Variants in PAX5 observed in about 807,000 individuals in gnomAD.
The protein encoded by PAX5 is paired box protein Pax-5.
Under a neutral mutation model 43.7 loss-of-function variants are expected in PAX5, and 9 were observed. The ratio of observed to expected loss-of-function variants is 0.21; its 90% CI spans 0.12 to 0.36. PAX5 has a LOEUF of 0.36. PAX5 is among the 10% of genes least tolerant of loss of function. The pLI is 1.00. For synonymous variants in PAX5, 228 were observed against 214.3 expected (o/e 1.06, Z -0.56); for missense variants, 383 against 532.7 (o/e 0.72, Z 2.77).
At position 36,833,737 on chromosome 9, in the gene PAX5, A is replaced by T; in HGVS notation, c.*6823T>A. 1 of 233,152 alleles carries T rather than the reference A, an allele frequency of 4.3e-6. No individual in the cohort carries two copies. Among genetic ancestry groups the T allele is most frequent in the Non-Finnish European group, 8.5e-6 (1 of 117,992 alleles). 14.4% of individuals were successfully genotyped at this position (233,152 alleles called of 1,614,324 possible). On this transcript the variant is annotated 3_prime_UTR_variant, in exon 10 of 10. Coordinates refer to ENST00000358127, the MANE Select transcript of PAX5 (RefSeq NM_016734.3). ...TTTCAAGTCAGTTATTTTCTACTAGAAAAAAAGAATACAAAACATACACAT... is the reference window on the plus strand; with the variant it reads ...TTTCAAGTCAGTTATTTTCTACTAGTAAAAAAGAATACAAAACATACACAT...
chr9:36,943,644 A>G (rs1832252600), intron 6 of PAX5, among the ~76,000 whole-genome samples: 1 of 152,038 alleles, frequency 6.6e-6, no homozygotes, highest in African/African-American at 2.4e-5. Flanking sequence ...GGGTAAATTA[A>G]TGTTGCAAGA....
At chr9:36,847,655 G>T (rs909881395) in intron 8 of PAX5, among the ~76,000 whole-genome samples, 1 of 152,206 alleles carries the variant, frequency 6.6e-6, no homozygotes, top group African/African-American at 2.4e-5. Context: ...GGCGTGCTTG[G>T]GCAGGAGCTG....
intron 4 of PAX5, 49 bp from the exon 5 acceptor site, chr9:37,002,825 C>A (rs1268866442): frequency 6.4e-7 from 1 of 1,556,812 alleles, no homozygotes; most frequent in Admixed American, 1.9e-5. Context: ...CTGAGGGCGG[C>A]GGACCGGCTG....
At chr9:37,002,387 C>T (rs1837955629) in intron 5 of PAX5, among the ~76,000 whole-genome samples, 2 of 152,238 alleles carry the variant, frequency 1.3e-5, no homozygotes, top group Non-Finnish European at 2.9e-5. Context: ...AAGGGCTCTG[C>T]CAGGCCCGCT....
rs143629802 is a variant in PAX5 at position 36,875,762 on chromosome 9, G to A, written c.1012+6242C>T. ...CCGGATAAAGACTCAGCCCAACATC[G>A]CCAGTTTCGACAAGGAAGGAAGGGG... is the stretch of plus-strand genomic sequence containing the variant. On this transcript the variant is annotated intron_variant, in intron 8 of 9. Transcript: ENST00000358127. 2.9e-3 allele frequency among the ~76,000 whole-genome samples: 440 copies of A among 152,244 alleles called. 1 individual carries two copies. The highest frequency in any genetic ancestry group is 4.4e-3 in the Non-Finnish European group (301 of 68,010).
intron 7 of PAX5, among the ~76,000 whole-genome samples, chr9:36,885,349 T>C (rs930467403): frequency 2.0e-5 from 3 of 152,160 alleles, no homozygotes; most frequent in African/African-American, 4.8e-5. Flanking sequence ...GCTCACACCC[T>C]TGATTTGCCA....
chr9:36,853,211 C>T (rs1469329731), intron 8 of PAX5, among the ~76,000 whole-genome samples: 1 of 147,466 alleles, frequency 6.8e-6, no homozygotes, highest in East Asian at 2.1e-4. Context: ...AACTGAAGTT[C>T]ATTACTTGTT....
chr9:36,968,268 C>T (rs1362947402), intron 5 of PAX5, among the ~76,000 whole-genome samples: 1 of 152,198 alleles, frequency 6.6e-6, no homozygotes, highest in Non-Finnish European at 1.5e-5. Context: ...AGACTTCATC[C>T]GTCACGTCAA....
chr9:36,917,296 T>A (rs1212261405), intron 7 of PAX5, among the ~76,000 whole-genome samples: 1 of 152,132 alleles, frequency 6.6e-6, no homozygotes, highest in Non-Finnish European at 1.5e-5. Context: ...ATCTTCTAGA[T>A]CAGTTCAACT....
chr9:36,920,014 C>T (rs896791917), intron 7 of PAX5, among the ~76,000 whole-genome samples: 4 of 151,928 alleles, frequency 2.6e-5, no homozygotes, highest in South Asian at 2.1e-4. Context: ...GTGGAAATAG[C>T]GAGAGAACAA....
chr9:37,027,986 T>A (rs1840606298), intron 1 of PAX5, among the ~76,000 whole-genome samples: 1 of 152,192 alleles, frequency 6.6e-6, no homozygotes, highest in Non-Finnish European at 1.5e-5. Flanking sequence ...GCCCACGCAG[T>A]GCCTGGAGAG....
intron 6 of PAX5, among the ~76,000 whole-genome samples, chr9:36,924,498 T>A (rs1481186151): frequency 1.3e-5 from 2 of 152,008 alleles, no homozygotes; most frequent in African/African-American, 4.8e-5. Context: ...AGCGGGTGGA[T>A]CATTTGAATC....
At chr9:36,912,929 G>A (rs1424460990) in intron 7 of PAX5, among the ~76,000 whole-genome samples, 3 of 152,256 alleles carry the variant, frequency 2.0e-5, no homozygotes, top group African/African-American at 7.2e-5. Flanking sequence ...AGCTTGGAGA[G>A]AAGAGGATGA....
In PAX5 at chr9:36,836,270, A is replaced by C. The variant is rs2812325; in HGVS notation, c.*4290T>G. On this transcript the variant is annotated 3_prime_UTR_variant, in exon 10 of 10. Coordinates refer to ENST00000358127, the MANE Select transcript of PAX5 (RefSeq NM_016734.3). ...CCCAACTCCATCTTCAAAGCGCAAGACTTGCAAGAGCCCAAGATGAGGCCT... is the reference window on the plus strand; with the variant it reads ...CCCAACTCCATCTTCAAAGCGCAAGCCTTGCAAGAGCCCAAGATGAGGCCT... 1 of 233,404 alleles carries C rather than the reference A, an allele frequency of 4.3e-6. No individual in the cohort carries two copies. Among genetic ancestry groups the C allele is most frequent in the Non-Finnish European group, 8.5e-6 (1 of 118,264 alleles). The allele number at this position is 233,404 out of a possible 1,614,324, so 14.5% of individuals were successfully genotyped here. A position where few individuals can be genotyped will look rare whatever the true frequency, so the allele number is the denominator to read the frequency against.
intron 8 of PAX5, among the ~76,000 whole-genome samples, chr9:36,854,750 C>T (rs1025032457): frequency 8.5e-5 from 13 of 152,266 alleles, no homozygotes; most frequent in Middle Eastern, 3.4e-3. Flanking sequence ...AGCCGTGCAT[C>T]GATCCATTGC....
At chr9:36,872,147 C>T (rs545015513) in intron 8 of PAX5, among the ~76,000 whole-genome samples, 50 of 152,340 alleles carry the variant, frequency 3.3e-4, no homozygotes, top group African/African-American at 1.2e-3. Context: ...AGTTTCTGGG[C>T]CTTCCCGATC....
chr9:37,003,169 A>ACAAAAAAC (rs1554681643), intron 4 of PAX5, among the ~76,000 whole-genome samples: 5 of 149,356 alleles, frequency 3.3e-5, no homozygotes, highest in Non-Finnish European at 4.5e-5. Flanking sequence ...AAAAAAAAAA[A>ACAAAAAAC]AAAAAAAAAA....
chr9:36,892,412 G>T (rs1332435710), intron 7 of PAX5, among the ~76,000 whole-genome samples: 3 of 152,226 alleles, frequency 2.0e-5, no homozygotes, highest in African/African-American at 7.2e-5. Flanking sequence ...TTAGCGCCAA[G>T]CATTGTTCTA....
intron 5 of PAX5, among the ~76,000 whole-genome samples, chr9:36,998,006 C>T (rs573835194): frequency 6.6e-6 from 1 of 152,364 alleles, no homozygotes; most frequent in East Asian, 1.9e-4. Context: ...GACTCTTCTG[C>T]TCCTCATTTG....
Sources: gnomAD v4.1 joint callset for allele counts (sites outside exome capture counted in the v4.1 genomes callset) on GRCh38, gnomAD v4.1.1 for gene constraint, MANE v1.5 for transcripts, NCBI Gene and HGNC (gene_info 2026-07-23, HGNC 2026-07-21) for gene names.